ITPR3: variants seen among roughly 807,000 people sequenced by gnomAD.
ITPR3 encodes the protein inositol 1,4,5-trisphosphate-gated calcium channel ITPR3.
Under a neutral mutation model 293.2 loss-of-function variants are expected in ITPR3, and 173 were observed. The observed-to-expected ratio is 0.59, with a 90% CI of 0.52 to 0.67. The LOEUF is 0.67. Among genes scored for constraint, ITPR3 ranks in the 30% least tolerant of loss-of-function variants. ITPR3 has a pLI of 0.00. For synonymous variants in ITPR3, 1,295 were observed against 1,444.4 expected (o/e 0.90, Z 2.35); for missense variants, 2,796 against 3,592.1 (o/e 0.78, Z 5.66).
In ITPR3 at chr6:33,687,232, G is replaced by C. The variant is rs370524230; in HGVS notation, c.6082G>C (p.Val2028Leu). ...ACAGGCACTGCCCCTCCAGGTGGAC[G>C]TCATCAAGAAGGCCTACCTGCAGGA... ...ISLRPQELVD[V>L]IKKAYLQEEE... is the part of the protein sequence containing the mutation. Residue 2028 changes from valine (V) to leucine (L), a missense_variant, in exon 45 of 58, where the codon GTC (valine) becomes CTC (leucine). Physicochemically the swap from Val to Leu is conservative, Grantham distance 32. Coordinates refer to ENST00000605930, the MANE Select transcript of ITPR3 (RefSeq NM_002224.4). This position sits in a 1 kb window ranked among gnomAD's most constrained non-coding sequence, Gnocchi z 5.3. 1.2e-5 allele frequency: 19 copies of C among 1,612,258 alleles called. No homozygotes were observed. The Admixed American group carries it at 2.3e-4, about 20-fold the overall frequency.
chr6:33,683,068 CG>C lies in ITPR3; in HGVS notation c.4598-135del. ...GCCTCTCAGTCCCTCAAGCATAGGC[CG>C]GGGTGGGGGGGGTCTCTGTCTCCCA... On this transcript the variant is annotated intron_variant, in intron 34 of 57. Transcript: ENST00000605930. This position sits in a 1 kb window ranked among gnomAD's most constrained non-coding sequence, Gnocchi z 4.5. 1 of 518,738 alleles carries C rather than the reference CG, an allele frequency of 1.9e-6. No homozygotes were observed. The highest frequency in any genetic ancestry group is 3.0e-6 in the Non-Finnish European group (1 of 332,858). The allele number at this position is 518,738 out of a possible 1,614,324, so 32.1% of individuals were successfully genotyped here. A position where few individuals can be genotyped will look rare whatever the true frequency, so the allele number is the denominator to read the frequency against.
In ITPR3 at chr6:33,685,732, G is replaced by T; in HGVS notation, c.5572G>T (p.Val1858Leu). 1 of 1,609,222 alleles carries T rather than the reference G, an allele frequency of 6.2e-7. No individual in the cohort carries two copies. The highest frequency in any genetic ancestry group is 8.5e-7 in the Non-Finnish European group (1 of 1,176,872). Reference sequence around the variant, plus strand: ...CCGGGGGCACGAGGTGAGCGAACGTGTGCAGAGCAGTGAGATGGGCACATC... The same window carrying T: ...CCGGGGGCACGAGGTGAGCGAACGTTTGCAGAGCAGTGAGATGGGCACATC... The part of the protein sequence containing the change: ...LRRGHEVSER[V>L]QSSEMGTSVL... Residue 1858 changes from valine to leucine, a missense_variant, in exon 41 of 58, where the codon GTG becomes TTG. Around this residue, in one of 8 missense-constraint regions of ITPR3, gnomAD observed 704 missense variants for 797.5 expected, o/e 0.88. Transcript: ENST00000605930.
Position 33,687,938 on chromosome 6 carries a change from G to T in ITPR3, c.6265-119G>T. 1.3e-6 allele frequency: 1 copy of T among 785,772 alleles called. No individual in the cohort carries two copies. Among genetic ancestry groups the T allele is most frequent in the Non-Finnish European group, 2.0e-6 (1 of 488,510 alleles). The allele number at this position is 785,772 out of a possible 1,614,324, so 48.7% of individuals were successfully genotyped here. ...GGCTGGGCTTGGCCTGCTCTGGCTTGGCGGGGACACTCGCTGAAGTGTAGT... is the reference window on the plus strand; with the variant it reads ...GGCTGGGCTTGGCCTGCTCTGGCTTTGCGGGGACACTCGCTGAAGTGTAGT... On this transcript the variant is annotated intron_variant, in intron 46 of 57. Coordinates refer to ENST00000605930, the MANE Select transcript of ITPR3 (RefSeq NM_002224.4). This position sits in a 1 kb window ranked among gnomAD's most constrained non-coding sequence, Gnocchi z 5.3.
At chr6:33,622,432 G>A (rs187112097) in intron 1 of ITPR3, among the ~76,000 whole-genome samples, 9 of 152,344 alleles carry the variant, frequency 5.9e-5, no homozygotes, top group Non-Finnish European at 7.3e-5. Context: ...GCCTGTAGCA[G>A]GGAGAGGGCA....
In ITPR3 at chr6:33,685,472, C is replaced by G. The variant is rs369360668; in HGVS notation, c.5421C>G (p.Asn1807Lys). The change falls in exon 40 of 58, where the codon AAC (asparagine) becomes AAG (lysine). Residue 1807 changes from asparagine (N) to lysine (K), a missense_variant. Transcript: ENST00000605930. ...QQETKSTVAV[N>K]MNDLGSQPHE... ...AGACCAAGTCCACGGTGGCAGTCAA[C>G]ATGAATGACCTGGGCAGCCAGCCAC... is the stretch of plus-strand genomic sequence containing the variant. 2 of 1,613,704 alleles carry G rather than the reference C, an allele frequency of 1.2e-6. No homozygotes were observed. Among genetic ancestry groups the G allele is most frequent in the African/African-American group, 2.7e-5 (2 of 74,930 alleles).
At chr6:33,657,023 G>C (rs908510851) in intron 3 of ITPR3, among the ~76,000 whole-genome samples, 12 of 152,230 alleles carry the variant, frequency 7.9e-5, no homozygotes, top group African/African-American at 2.9e-4. Context: ...ATCTGGCCTG[G>C]GGGGAGGGCA....
rs771869292 is a variant in ITPR3 at position 33,669,111 on chromosome 6, C to A, written c.2144C>A (p.Ala715Glu). Residue 715 changes from alanine (A) to glutamate (E), a missense_variant, in exon 18 of 58, where the codon GCG (alanine) becomes GAG (glutamate). Ala to Glu is a moderately radical substitution (Grantham distance 107). Coordinates refer to ENST00000605930, the MANE Select transcript of ITPR3 (RefSeq NM_002224.4). ...AGTGTGAGGCAGCTGGCCCAGGAGGCGCGGGCCGGCAACGCCCACGACGAG... is the reference window on the plus strand; with the variant it reads ...AGTGTGAGGCAGCTGGCCCAGGAGGAGCGGGCCGGCAACGCCCACGACGAG... ...EKSVRQLAQE[A>E]RAGNAHDENV... 3 of 1,614,084 alleles carry A rather than the reference C, an allele frequency of 1.9e-6. No homozygotes were observed. In the East Asian group the frequency reaches 6.7e-5, roughly 36 times the overall value.
rs1561879735 is a variant in ITPR3 at position 33,685,744 on chromosome 6, G to A, written c.5584G>A (p.Glu1862Lys). 6.2e-7 allele frequency: 1 copy of A among 1,608,618 alleles called. No homozygotes were observed. The highest frequency in any genetic ancestry group is 1.7e-5 in the Admixed American group (1 of 59,734). ...HEVSERVQSS[E>K]MGTSVLIMQP... ...GGTGAGCGAACGTGTGCAGAGCAGT[G>A]AGATGGGCACATCCGTGCTCATCAT... The change falls in exon 41 of 58, where the codon GAG (glutamate) becomes AAG (lysine). Residue 1862 changes from glutamate (E) to lysine (K), a missense_variant. This residue lies in a region of ITPR3 where 704 missense variants were observed against 797.5 expected (regional missense o/e 0.88). Coordinates refer to ENST00000605930, the MANE Select transcript of ITPR3 (RefSeq NM_002224.4).
chr6:33,652,310 G>T (rs559651605), intron 2 of ITPR3, among the ~76,000 whole-genome samples: 1 of 152,204 alleles, frequency 6.6e-6, no homozygotes, highest in Admixed American at 6.5e-5. Flanking sequence ...GTATGCATCC[G>T]GCAGATTCAT....
chr6:33,681,457 G>GC (rs1424360275), intron 33 of ITPR3, among the ~76,000 whole-genome samples: 1 of 152,192 alleles, frequency 6.6e-6, no homozygotes, highest in Admixed American at 6.5e-5. Context: ...AGGGCTCCAG[G>GC]CCAGTGTACA....
At chr6:33,659,375 G>C (rs1764397199) in intron 6 of ITPR3, 91 bp from the exon 7 acceptor site, 1 of 1,196,494 alleles carries the variant, frequency 8.4e-7, no homozygotes, top group African/African-American at 1.5e-5. Context: ...TGCTGTAATG[G>C]TGGCTGGGCT....
chr6:33,693,299 C>G (rs1169667047), intron 55 of ITPR3, among the ~76,000 whole-genome samples: 2 of 152,208 alleles, frequency 1.3e-5, no homozygotes, highest in African/African-American at 4.8e-5. Context: ...TCGAGAAATT[C>G]TCGCGTTTAC....
intron 1 of ITPR3, among the ~76,000 whole-genome samples, chr6:33,630,772 G>A (rs1350955370): frequency 2.0e-5 from 3 of 152,108 alleles, no homozygotes; most frequent in East Asian, 1.9e-4. Context: ...CTGCGTGTGC[G>A]GCTTATTGTC....
At chr6:33,680,507 A>T in intron 32 of ITPR3, 48 bp from the exon 33 acceptor site, 1 of 1,610,524 alleles carries the variant, frequency 6.2e-7, no homozygotes, top group Admixed American at 1.7e-5. Context: ...GTGGGAGTGG[A>T]GGGGCCCCAT....
At chr6:33,690,325 TG>T in intron 51 of ITPR3, 127 bp downstream of exon 51, 1 of 995,608 alleles carries the variant, frequency 1.0e-6, no homozygotes, top group East Asian at 2.6e-5. Flanking sequence ...CTGGGAGCAG[TG>T]AAATTACAGA....
rs1042050847 is a variant in ITPR3 at position 33,674,152 on chromosome 6, C to T, written c.3059-56C>T. On this transcript the variant is annotated intron_variant, in intron 23 of 57. Coordinates refer to ENST00000605930, the MANE Select transcript of ITPR3 (RefSeq NM_002224.4). ...GGTGGTTTGAGTGTCTCCCTGTGCT[C>T]CCCTCTTTCCCGGGCTGGGCCTACA... The T allele has an allele frequency of 4.4e-6, 7 of 1,596,094 alleles. No homozygotes were observed. The Admixed American group carries it at 1.2e-4, about 27-fold the overall frequency.
In ITPR3 at chr6:33,674,263, G is replaced by T. The variant is rs761975240; in HGVS notation, c.3114G>T (p.Val1038=). ...IGEQAEAMFG[V]GKTSSMLEVD... ...AGCAGGCGGAGGCCATGTTTGGAGT[G>T]GGGTGAGGCCAGGGTTGAGCTGCAG... Residue 1038 remains valine, a splice_region_variant and synonymous_variant, in exon 24 of 58, where the codon GTG becomes GTT. Transcript: ENST00000605930. 1 of 1,613,792 alleles carries T rather than the reference G, an allele frequency of 6.2e-7. No individual in the cohort carries two copies. The highest frequency in any genetic ancestry group is 8.5e-7 in the Non-Finnish European group (1 of 1,179,894).
intron 18 of ITPR3, among the ~76,000 whole-genome samples, chr6:33,669,596 C>CA (rs1764703401): frequency 6.6e-6 from 1 of 152,068 alleles, no homozygotes; most frequent in South Asian, 2.1e-4. Flanking sequence ...GACTCTGTCT[C>CA]AAAAAAACAA....
chr6:33,640,612 C>A, intron 2 of ITPR3, 58 bp downstream of exon 2: 2 of 1,380,518 alleles, frequency 1.4e-6, no homozygotes, highest in Non-Finnish European at 9.9e-7. Flanking sequence ...TCTGGACCTG[C>A]GACTGAATTT....
Sources: allele counts gnomAD v4.1 joint callset (sites outside exome capture counted in the v4.1 genomes callset), GRCh38; gene constraint gnomAD v4.1.1; regional missense constraint gnomAD v4.1.1; non-coding constraint Gnocchi (gnomAD v3.1); transcripts MANE v1.5; gene names NCBI Gene and HGNC (gene_info 2026-07-23, HGNC 2026-07-21).